ARSG: variants seen among roughly 807,000 people sequenced by gnomAD.
The protein encoded by ARSG is arylsulfatase G.
ARSG carries 37 observed loss-of-function variants against 50.5 expected under a neutral mutation model. The observed-to-expected ratio is 0.73, with a 90% CI of 0.56 to 0.96. ARSG has a LOEUF of 0.96. Among genes scored for constraint, ARSG ranks in the 50% least tolerant of loss-of-function variants. ARSG has a pLI of 0.00. For synonymous variants in ARSG, 225 were observed against 254.6 expected (o/e 0.88, Z 1.11); for missense variants, 629 against 675.3 (o/e 0.93, Z 0.76).
the ARSG span, chr17:68,436,230 G>C: frequency 4.4e-6 from 3 of 688,188 alleles, no homozygotes; most frequent in Non-Finnish European, 7.6e-6. Context: ...AAGCCCGAGG[G>C]GAAATAGTAT....
intron 11 of ARSG, among the ~76,000 whole-genome samples, chr17:68,417,702 C>G (rs1162594919): frequency 1.3e-4 from 18 of 142,626 alleles, no homozygotes; most frequent in African/African-American, 4.7e-4. Context: ...TGTGACTTCA[C>G]TTCTCCAAAA....
upstream of ARSG, chr17:68,291,484 G>GGCGC (rs1267365988): frequency 3.3e-5 from 5 of 150,500 alleles, no homozygotes; most frequent in Non-Finnish European, 7.4e-5. Flanking sequence ...GGGCCTGCCT[G>GGCGC]GCGCGCGCGC....
At chr17:68,387,715 CTT>C (rs972703496) in intron 9 of ARSG, among the ~76,000 whole-genome samples, 2 of 152,186 alleles carry the variant, frequency 1.3e-5, no homozygotes, top group African/African-American at 4.8e-5. Context: ...ATCACCTACT[CTT>C]GTTTCATTGC....
At chr17:68,401,640 A>G (rs986583319) in intron 11 of ARSG, among the ~76,000 whole-genome samples, 190 bp downstream of exon 11, 59 of 152,190 alleles carry the variant, frequency 3.9e-4, no homozygotes, top group African/African-American at 1.3e-3. Context: ...ATATGCAAAT[A>G]AGATCTTTGT....
intron 8 of ARSG, among the ~76,000 whole-genome samples, chr17:68,382,371 A>G (rs2080478707): frequency 6.6e-6 from 1 of 152,238 alleles, no homozygotes; most frequent in Non-Finnish European, 1.5e-5. Flanking sequence ...GGATTCAATG[A>G]GATAATGCCA....
At position 68,420,389 on chromosome 17, in the gene ARSG, G is replaced by C; in HGVS notation, c.1504G>C (p.Asp502His). The part of the protein sequence containing the change: ...DIANDNISSA[D>H]YTQDPSVTPC... ...TGCCAACGACAACATCTCCAGCGCA[G>C]ATTACACTCAGGACCCTTCAGTAAC... Residue 502 changes from aspartate to histidine, a missense_variant, in exon 12 of 12, where the codon GAT becomes CAT. Transcript: ENST00000621439. 1 of 1,614,140 alleles carries C rather than the reference G, an allele frequency of 6.2e-7. No homozygotes were observed. Among genetic ancestry groups the C allele is most frequent in the East Asian group, 2.2e-5 (1 of 44,874 alleles).
chr17:68,387,382 G>T (rs761413595), intron 9 of ARSG, among the ~76,000 whole-genome samples: 1 of 152,140 alleles, frequency 6.6e-6, no homozygotes, highest in African/African-American at 2.4e-5. Flanking sequence ...TCCCTCCTGG[G>T]CCTCCCAAAG....
chr17:68,283,646 C>A (rs145756130), intron 1 of ARSG, among the ~76,000 whole-genome samples: 7 of 151,496 alleles, frequency 4.6e-5, no homozygotes, highest in Non-Finnish European at 7.4e-5. Context: ...CATGGAGAAA[C>A]GCTGTCTCTA....
intron 1 of ARSG, among the ~76,000 whole-genome samples, chr17:68,260,903 A>G (rs1555745072): frequency 6.6e-6 from 1 of 152,256 alleles, no homozygotes; most frequent in African/African-American, 2.4e-5. Context: ...CTATTGAGGC[A>G]GTATGTTAAA....
At chr17:68,365,852 A>T (rs1184444651) in intron 6 of ARSG, among the ~76,000 whole-genome samples, 1 of 152,220 alleles carries the variant, frequency 6.6e-6, no homozygotes, top group Non-Finnish European at 1.5e-5. Flanking sequence ...AAATAACCCC[A>T]TGAGCCTACA....
At chr17:68,261,468 C>T (rs2075069981) in intron 1 of ARSG, among the ~76,000 whole-genome samples, 1 of 152,126 alleles carries the variant, frequency 6.6e-6, no homozygotes, top group Admixed American at 6.6e-5. Flanking sequence ...TATCTTCTGC[C>T]TCCTGGGCTC....
intron 11 of ARSG, 128 bp from the exon 12 acceptor site, chr17:68,420,061 G>C (rs1311285670): frequency 9.5e-7 from 1 of 1,050,162 alleles, no homozygotes; most frequent in African/African-American, 1.6e-5. Context: ...TTGACAGAGA[G>C]AGCCATCATT....
At chr17:68,431,081 A>G in the ARSG span, among the ~76,000 whole-genome samples, 2 of 152,154 alleles carry the variant, frequency 1.3e-5, no homozygotes, top group Admixed American at 6.5e-5. Flanking sequence ...TGTCTGTCCC[A>G]CAGCCCTGTG....
At chr17:68,290,769 G>C (rs2075959245), upstream of ARSG, among the ~76,000 whole-genome samples, 1 of 152,156 alleles carries the variant, frequency 6.6e-6, no homozygotes, top group South Asian at 2.1e-4. Context: ...CCGACGTCCC[G>C]GAGCCCCCAA....
chr17:68,349,187 A>G (rs1315947322), intron 4 of ARSG, among the ~76,000 whole-genome samples: 1 of 152,018 alleles, frequency 6.6e-6, no homozygotes, highest in Non-Finnish European at 1.5e-5. Flanking sequence ...AACCCCAGCT[A>G]TTTGGGAGGC....
At chr17:68,393,494 AG>A (rs1368256074) in intron 9 of ARSG, among the ~76,000 whole-genome samples, 1 of 152,182 alleles carries the variant, frequency 6.6e-6, no homozygotes, top group African/African-American at 2.4e-5. Context: ...GTGCAAGAGC[AG>A]TGATGTGGGT....
the ARSG span, chr17:68,444,539 G>A: frequency 6.2e-7 from 1 of 1,614,104 alleles, no homozygotes; most frequent in Non-Finnish European, 8.5e-7. Flanking sequence ...ACAGCTTCAT[G>A]TCTTTAATGT....
At chr17:68,408,526 G>A (rs973666667) in intron 11 of ARSG, among the ~76,000 whole-genome samples, 1 of 151,864 alleles carries the variant, frequency 6.6e-6, no homozygotes, top group Non-Finnish European at 1.5e-5. Flanking sequence ...GTCTATCATT[G>A]TTGGACATTT....
intron 8 of ARSG, among the ~76,000 whole-genome samples, chr17:68,382,224 C>T (rs1040805861): frequency 2.0e-5 from 3 of 152,140 alleles, no homozygotes; most frequent in Non-Finnish European, 4.4e-5. Context: ...GGATTACAGG[C>T]GTGAGCCACT....
Sources: allele counts gnomAD v4.1 joint callset (sites outside exome capture counted in the v4.1 genomes callset), GRCh38; gene constraint gnomAD v4.1.1; transcripts MANE v1.5; gene names NCBI Gene and HGNC (gene_info 2026-07-23, HGNC 2026-07-21).